Variants in CSRNP3 observed in about 807,000 individuals in gnomAD.
The protein encoded by CSRNP3 is cysteine/serine-rich nuclear protein 3.
Under a neutral mutation model 48.0 loss-of-function variants are expected in CSRNP3, and 12 were observed. The ratio of observed to expected loss-of-function variants is 0.25; its 90% CI spans 0.16 to 0.41. The LOEUF is 0.41. CSRNP3 is among the 10% of genes least tolerant of loss of function. The pLI is 1.00. For synonymous variants in CSRNP3, 263 were observed against 269.7 expected, an observed-to-expected ratio of 0.98 and a Z score of 0.24; for missense variants, 580 against 724.4, an observed-to-expected ratio of 0.80 and a Z score of 2.29.
At chr2:165,574,741 C>G (rs376167956) in intron 3 of CSRNP3, among the ~76,000 whole-genome samples, 1 of 151,978 alleles carries the variant, frequency 6.6e-6, no homozygotes, top group Non-Finnish European at 1.5e-5. Context: ...AGGCTTACAA[C>G]TTTTAGAGGA....
At chr2:165,538,072 G>T (rs547349211) in intron 3 of CSRNP3, among the ~76,000 whole-genome samples, 13 of 151,926 alleles carry the variant, frequency 8.6e-5, no homozygotes, top group African/African-American at 2.9e-4. Context: ...AGCATTATTA[G>T]CAAGGACCCA....
At chr2:165,496,996 A>G (rs1472270494) in intron 2 of CSRNP3, among the ~76,000 whole-genome samples, 1 of 152,104 alleles carries the variant, frequency 6.6e-6, no homozygotes, top group African/African-American at 2.4e-5. Context: ...TGCTTTCCAG[A>G]TGAAAGTGAT....
Position 165,624,875 on chromosome 2 carries a change from G to A in CSRNP3, c.148+29662G>A, listed in dbSNP as rs146281420. On this transcript the variant is annotated intron_variant, in intron 4 of 6. Transcript: ENST00000651982. ...GAGATGGGTTTTCTCATTTTACAAA[G>A]AGGAAACAGGCAGAGAGAGGGTAAG... 1.2e-4 allele frequency among the ~76,000 whole-genome samples: 19 copies of A among 152,248 alleles called. No individual in the cohort carries two copies. In the East Asian group the frequency reaches 3.7e-3, roughly 29 times the overall value.
intron 2 of CSRNP3, among the ~76,000 whole-genome samples, chr2:165,504,896 C>T (rs1298445182): frequency 1.3e-5 from 2 of 152,082 alleles, no homozygotes; most frequent in African/African-American, 4.8e-5. Flanking sequence ...TGCATATGAG[C>T]AGACTGAAAA....
At chr2:165,653,750 T>C (rs1415849712) in intron 4 of CSRNP3, among the ~76,000 whole-genome samples, 2 of 151,822 alleles carry the variant, frequency 1.3e-5, no homozygotes, top group Non-Finnish European at 2.9e-5. Flanking sequence ...GGTGGGTGGA[T>C]CACCTGAGGT....
intron 2 of CSRNP3, among the ~76,000 whole-genome samples, chr2:165,515,830 G>A (rs1315301384): frequency 1.4e-5 from 2 of 139,596 alleles, no homozygotes; most frequent in Admixed American, 7.4e-5. Flanking sequence ...TTTTGAGACA[G>A]GGTCTTGCTC....
chr2:165,620,426 T>A lies in CSRNP3; in HGVS notation c.148+25213T>A, dbSNP rs911542764. Among the ~76,000 whole-genome samples, 5 of 152,128 alleles carry A rather than the reference T, an allele frequency of 3.3e-5. No homozygotes were observed. In the East Asian group the frequency reaches 9.6e-4, roughly 29 times the overall value. ...CATTATTTTTCCAATTAAAAGATGA[T>A]GTGAGGAATAATTTTGATATTAAAA... is the stretch of plus-strand genomic sequence containing the variant. On this transcript the variant is annotated intron_variant, in intron 4 of 6. Transcript: ENST00000651982.
intron 4 of CSRNP3, among the ~76,000 whole-genome samples, chr2:165,600,281 T>A (rs1471138147): frequency 6.7e-6 from 1 of 148,642 alleles, no homozygotes; most frequent in African/African-American, 2.5e-5. Flanking sequence ...TTTTATGGCT[T>A]CATAGTATTC....
intron 4 of CSRNP3, among the ~76,000 whole-genome samples, chr2:165,606,923 G>A (rs1249104582): frequency 2.6e-5 from 4 of 152,098 alleles, no homozygotes; most frequent in South Asian, 4.2e-4. Context: ...GGGATGAAGA[G>A]TAGAATGGAT....
intron 3 of CSRNP3, among the ~76,000 whole-genome samples, chr2:165,527,626 T>C (rs1320545942): frequency 6.6e-6 from 1 of 152,200 alleles, no homozygotes; most frequent in Non-Finnish European, 1.5e-5. Context: ...TGGTTGGCTA[T>C]GTATTAGATT....
rs984702364 is a variant in CSRNP3 at position 165,681,656 on chromosome 2, G to A, written c.*1903G>A. On this transcript the variant is annotated 3_prime_UTR_variant, in exon 7 of 7. Coordinates refer to ENST00000651982, the MANE Select transcript of CSRNP3 (RefSeq NM_001172173.2). ...TATGTAGGTTGCAGTAATGAGAGCA[G>A]GGTTGTTCCTTTTGAATGATTGGCC... 1 of 147,616 alleles carries A rather than the reference G, an allele frequency of 6.8e-6. No individual in the cohort carries two copies. The highest frequency in any genetic ancestry group is 2.5e-5 in the African/African-American group (1 of 40,108). The allele number at this position is 147,616 out of a possible 1,614,324, so 9.1% of individuals were successfully genotyped here.
At position 165,601,036 on chromosome 2, in the gene CSRNP3, A is replaced by C. The variant is rs560577406; in HGVS notation, c.148+5823A>C. 2.0e-5 allele frequency among the ~76,000 whole-genome samples: 3 copies of C among 152,338 alleles called. No individual in the cohort carries two copies. In the South Asian group the frequency reaches 6.2e-4, roughly 32 times the overall value. Reference sequence around the variant, plus strand: ...CTTCAAAATATAAATCAATAAGGTCATTATGGCTTTTTCCTTGGACTTCTG... The same window carrying C: ...CTTCAAAATATAAATCAATAAGGTCCTTATGGCTTTTTCCTTGGACTTCTG... On this transcript the variant is annotated intron_variant, in intron 4 of 6. Coordinates refer to ENST00000651982, the MANE Select transcript of CSRNP3 (RefSeq NM_001172173.2).
chr2:165,579,042 A>C (rs934264260), intron 3 of CSRNP3, among the ~76,000 whole-genome samples: 11 of 152,150 alleles, frequency 7.2e-5, no homozygotes, highest in African/African-American at 2.7e-4. Context: ...AATATTATAG[A>C]TGATAGCTAA....
intron 4 of CSRNP3, among the ~76,000 whole-genome samples, chr2:165,606,684 A>G (rs1686033584): frequency 6.6e-6 from 1 of 152,134 alleles, no homozygotes; most frequent in Non-Finnish European, 1.5e-5. Context: ...AGGATTGCAT[A>G]AGGTGCAGTT....
rs6720192 is a variant in CSRNP3 at position 165,658,815 on chromosome 2, G to C, written c.408+795G>C. On this transcript the variant is annotated intron_variant, in intron 5 of 6. Transcript: ENST00000651982. ...ACCATGAGAACGCTATGGGGGAACT[G>C]CACCCATGATTCAATTATCCCCCAC... is the stretch of plus-strand genomic sequence containing the variant. Among the ~76,000 whole-genome samples the C allele has an allele frequency of 2.6e-5, 4 of 152,008 alleles. No individual in the cohort carries two copies. The East Asian group carries it at 7.7e-4, about 29-fold the overall frequency.
At chr2:165,654,601 C>T (rs1371312733) in intron 4 of CSRNP3, among the ~76,000 whole-genome samples, 1 of 152,018 alleles carries the variant, frequency 6.6e-6, no homozygotes, top group East Asian at 1.9e-4. Context: ...AGGCAGGGAT[C>T]ATCATCTGTG....
At chr2:165,477,822 C>G (rs1683985360) in intron 1 of CSRNP3, among the ~76,000 whole-genome samples, 1 of 151,876 alleles carries the variant, frequency 6.6e-6, no homozygotes, top group African/African-American at 2.4e-5. Flanking sequence ...GCAAAAGATA[C>G]AAAATTTAGC....
At chr2:165,574,524 G>C (rs1040054502) in intron 3 of CSRNP3, 1 of 769,566 alleles carries the variant, frequency 1.3e-6, no homozygotes, top group Non-Finnish European at 2.0e-6. Context: ...AATTGGCAGG[G>C]TGTTCCTGGT....
chr2:165,577,704 T>C (rs1685475426), intron 3 of CSRNP3, among the ~76,000 whole-genome samples: 1 of 151,908 alleles, frequency 6.6e-6, no homozygotes, highest in South Asian at 2.1e-4. Flanking sequence ...ATATGCTTTT[T>C]ATAATTTTAT....
Sources: gnomAD v4.1 joint callset for allele counts (sites outside exome capture counted in the v4.1 genomes callset) on GRCh38, gnomAD v4.1.1 for gene constraint, MANE v1.5 for transcripts, NCBI Gene and HGNC (gene_info 2026-07-23, HGNC 2026-07-21) for gene names.